The following NFASC variants were observed in gnomAD, a reference collection of about 807,000 sequenced individuals.
NFASC encodes neurofascin.
In NFASC, 43 loss-of-function variants were observed where a neutral mutation model predicts 147.5. The observed-to-expected ratio is 0.29, with a 90% CI of 0.23 to 0.38. The LOEUF (loss-of-function observed/expected upper bound fraction) is 0.38. Among genes scored for constraint, NFASC ranks in the 10% least tolerant of loss-of-function variants. The pLI, the probability that NFASC is intolerant of heterozygous loss-of-function variation, is 1.00. For missense variants in NFASC, 1,320 were observed against 1,689.0 expected (o/e 0.78, Z 3.83); for synonymous variants, 622 against 665.5 (o/e 0.93, Z 1.01).
chr1:204,940,435 A>G lies in NFASC; in HGVS notation c.-90-3791A>G, dbSNP rs11240314. ...GCCACTGCACTCCCGCCTGGGCAAC[A>G]GAGTGAGATTCTGTCTCAAAAATAA... On this transcript the variant is annotated intron_variant, in intron 2 of 29. Transcript: ENST00000339876. Among the ~76,000 whole-genome samples, 262 of 152,342 alleles carry G rather than the reference A, an allele frequency of 1.7e-3. 1 individual carries two copies. Among genetic ancestry groups the G allele is most frequent in the African/African-American group, 5.9e-3 (245 of 41,576 alleles).
At chr1:204,971,377 A>G (rs1303147727) in intron 11 of NFASC, among the ~76,000 whole-genome samples, 1 of 152,160 alleles carries the variant, frequency 6.6e-6, no homozygotes, top group African/African-American at 2.4e-5. Flanking sequence ...TTTTCACATC[A>G]TAGACTCTCT....
intron 20 of NFASC, 57 bp downstream of exon 20, chr1:204,980,497 C>A: frequency 7.5e-7 from 1 of 1,335,048 alleles, no homozygotes; most frequent in Non-Finnish European, 1.1e-6. Flanking sequence ...GCACCGGGAG[C>A]CCCTCTCCCT....
chr1:204,974,320 G>A, intron 13 of NFASC, 30 bp downstream of exon 13: 1 of 1,532,624 alleles, frequency 6.5e-7, no homozygotes, highest in Non-Finnish European at 9.0e-7. Flanking sequence ...GCCTTCCACA[G>A]CAGGGGTCAC....
Position 204,979,220 on chromosome 1 carries a change from CCTGTG to C in NFASC, c.1979-140_1979-136del. Reference sequence around the variant, plus strand: ...ATGTACAGAGGCCTTGGTGTCTCTTCCTGTGCCTTGGGAAGAATTCTCCTTGTGCC... The same window carrying C: ...ATGTACAGAGGCCTTGGTGTCTCTTCCCTTGGGAAGAATTCTCCTTGTGCC... On this transcript the variant is annotated intron_variant, in intron 18 of 29. Transcript: ENST00000339876. This position sits in a 1 kb window ranked among gnomAD's most constrained non-coding sequence, Gnocchi z 6.0. 1.1e-6 allele frequency: 1 copy of C among 949,586 alleles called. No homozygotes were observed. The highest frequency in any genetic ancestry group is 1.5e-5 in the South Asian group (1 of 66,376). 58.8% of individuals were successfully genotyped at this position (949,586 alleles called of 1,614,324 possible).
intron 2 of NFASC, among the ~76,000 whole-genome samples, chr1:204,923,148 C>T (rs1436076647): frequency 6.6e-6 from 1 of 152,240 alleles, no homozygotes; most frequent in Non-Finnish European, 1.5e-5. Context: ...TAGGGTGGCT[C>T]ATTCCAAGAT....
intron 3 of NFASC, 189 bp downstream of exon 3, chr1:204,944,595 A>G: frequency 1.7e-6 from 1 of 594,204 alleles, no homozygotes; most frequent in East Asian, 3.0e-5. Context: ...GAAGTTTGAG[A>G]CTGTATGTTG....
chr1:204,838,362 G>C (rs1674363350), intron 1 of NFASC, among the ~76,000 whole-genome samples: 1 of 149,988 alleles, frequency 6.7e-6, no homozygotes, highest in Non-Finnish European at 1.5e-5. Flanking sequence ...CTCTGACTTA[G>C]AGTAAAGTGG....
chr1:204,914,651 T>C (rs539785784), intron 1 of NFASC, among the ~76,000 whole-genome samples: 62 of 152,338 alleles, frequency 4.1e-4, no homozygotes, highest in Non-Finnish European at 7.2e-4. Flanking sequence ...TGCCAATTTC[T>C]GTGTATCACA....
chr1:204,840,919 G>A (rs1675158903), intron 1 of NFASC, among the ~76,000 whole-genome samples: 1 of 152,208 alleles, frequency 6.6e-6, no homozygotes, highest in African/African-American at 2.4e-5. Context: ...GTAAAATGAG[G>A]ATACTAATGC....
At chr1:204,853,824 A>G (rs892742565) in intron 1 of NFASC, among the ~76,000 whole-genome samples, 1 of 152,140 alleles carries the variant, frequency 6.6e-6, no homozygotes, top group African/African-American at 2.4e-5. Context: ...TCTGCCTGCT[A>G]TTCCTACCCA....
At chr1:205,007,695 C>T (rs1325013594) in intron 27 of NFASC, among the ~76,000 whole-genome samples, 1 of 152,090 alleles carries the variant, frequency 6.6e-6, no homozygotes, top group East Asian at 1.9e-4. Context: ...GAAAAAGCAG[C>T]AGATGCAAAG....
At chr1:204,980,471 G>C in intron 20 of NFASC, 31 bp downstream of exon 20, 1 of 1,555,072 alleles carries the variant, frequency 6.4e-7, no homozygotes, top group Non-Finnish European at 8.8e-7. Context: ...CAGTGGAGCA[G>C]CTCACCTTGC....
intron 1 of NFASC, among the ~76,000 whole-genome samples, chr1:204,894,984 G>A (rs1469537870): frequency 6.6e-6 from 1 of 152,140 alleles, no homozygotes; most frequent in African/African-American, 2.4e-5. Context: ...TGAGAGAAGG[G>A]AGCATTGAGG....
At chr1:204,831,950 C>T (rs547947472) in intron 1 of NFASC, among the ~76,000 whole-genome samples, 7 of 152,216 alleles carry the variant, frequency 4.6e-5, no homozygotes, top group Admixed American at 2.6e-4. Context: ...TGTTACACAG[C>T]GGGATCTTTA....
intron 20 of NFASC, among the ~76,000 whole-genome samples, chr1:204,980,975 T>C (rs762954634): frequency 1.6e-4 from 24 of 152,232 alleles, no homozygotes; most frequent in Non-Finnish European, 3.1e-4. Flanking sequence ...ACTGACTACA[T>C]TTTCCAAACC....
chr1:204,946,579 C>G (rs1256938982), intron 3 of NFASC: 2 of 452,996 alleles, frequency 4.4e-6, no homozygotes. Context: ...TTCCCAGTGG[C>G]CACCGAAGAT....
At chr1:204,922,060 C>T (rs2090594360) in intron 2 of NFASC, among the ~76,000 whole-genome samples, 2 of 152,264 alleles carry the variant, frequency 1.3e-5, no homozygotes, top group South Asian at 4.2e-4. Flanking sequence ...TCTTTTACTA[C>T]ACGTGGAGGA....
At chr1:204,945,341 T>C (rs1417337263) in intron 3 of NFASC, among the ~76,000 whole-genome samples, 1 of 152,218 alleles carries the variant, frequency 6.6e-6, no homozygotes, top group Non-Finnish European at 1.5e-5. Flanking sequence ...CAACATTGGC[T>C]TGGGCTCTCT....
intron 1 of NFASC, among the ~76,000 whole-genome samples, chr1:204,914,016 A>C (rs2088474288): frequency 6.6e-6 from 1 of 152,242 alleles, no homozygotes; most frequent in Non-Finnish European, 1.5e-5. Context: ...TGAAATAGAA[A>C]AGATCCAATC....
Sources: gnomAD v4.1 joint callset for allele counts (sites outside exome capture counted in the v4.1 genomes callset) on GRCh38, gnomAD v4.1.1 for gene constraint, Gnocchi (gnomAD v3.1) non-coding constraint, MANE v1.5 for transcripts, NCBI Gene and HGNC (gene_info 2026-07-23, HGNC 2026-07-21) for gene names.